Variants in NUDCD3 observed in about 807,000 individuals in gnomAD.
The protein encoded by NUDCD3 is nudC domain-containing protein 3.
NUDCD3 carries 13 observed loss-of-function variants against 39.7 expected under a neutral mutation model. The ratio of observed to expected loss-of-function variants is 0.33; its 90% CI spans 0.21 to 0.52. The LOEUF is 0.52. Ranked by LOEUF, NUDCD3 falls within the 20% of genes least tolerant of loss-of-function variation. The pLI is 0.96. For synonymous variants in NUDCD3, 175 were observed against 172.4 expected, an observed-to-expected ratio of 1.02 and a Z score of -0.12; for missense variants, 453 against 458.1, an observed-to-expected ratio of 0.99 and a Z score of 0.10.
chr7:44,470,896 C>T (rs1800241826), intron 2 of NUDCD3, among the ~76,000 whole-genome samples: 1 of 152,198 alleles, frequency 6.6e-6, no homozygotes, highest in South Asian at 2.1e-4. Flanking sequence ...AGAGAACATA[C>T]ACAAATGTGA....
At chr7:44,398,826 C>G (rs1356126671) in intron 4 of NUDCD3, among the ~76,000 whole-genome samples, 3 of 152,160 alleles carry the variant, frequency 2.0e-5, no homozygotes, top group Non-Finnish European at 2.9e-5. Flanking sequence ...CGGGGTGAGA[C>G]GACAGCGTGG....
At chr7:44,478,195 C>T (rs1006401097) in intron 2 of NUDCD3, among the ~76,000 whole-genome samples, 1 of 152,206 alleles carries the variant, frequency 6.6e-6, no homozygotes, top group Non-Finnish European at 1.5e-5. Flanking sequence ...CTGATGCTAT[C>T]TTGTGCAAAT....
rs1158360595 is a variant in NUDCD3 at position 44,488,421 on chromosome 7, TC to T, written c.192+1987del. ...AACCACTTCCAGAAAACATGACACC[TC>T]TCTTAAGCATCTGCTGGAGACTGTT... On this transcript the variant is annotated intron_variant, in intron 1 of 5. Transcript: ENST00000355451. Among the ~76,000 whole-genome samples, 3 of 150,956 alleles carry T rather than the reference TC, an allele frequency of 2.0e-5. No individual in the cohort carries two copies. In the East Asian group the frequency reaches 5.8e-4, roughly 29 times the overall value.
At chr7:44,433,407 C>T (rs903191171) in intron 2 of NUDCD3, among the ~76,000 whole-genome samples, 2 of 151,872 alleles carry the variant, frequency 1.3e-5, no homozygotes, top group African/African-American at 2.4e-5. Flanking sequence ...TGCATGTGTA[C>T]CTGCATGTGC....
intron 1 of NUDCD3, 183 bp downstream of exon 1, chr7:44,490,226 A>G: frequency 1.7e-6 from 1 of 603,636 alleles, no homozygotes; most frequent in African/African-American, 1.9e-5. Context: ...CGGAGCGAAC[A>G]CCTCAGCGGA....
At chr7:44,454,119 C>T (rs1227544692) in intron 2 of NUDCD3, among the ~76,000 whole-genome samples, 1 of 152,142 alleles carries the variant, frequency 6.6e-6, no homozygotes, top group Non-Finnish European at 1.5e-5. Context: ...GCAGGCAGAT[C>T]ACGAGGTCAG....
At position 44,380,715 on chromosome 7, in the gene NUDCD3, G is replaced by A. The variant is rs1036119625; in HGVS notation, c.*5296C>T. ...AGTCCCACTAGGGACCACCACTGGG[G>A]TCACAAGATGGCCTTGATCCCCAGT... On this transcript the variant is annotated 3_prime_UTR_variant, in exon 6 of 6. Coordinates refer to ENST00000355451, the MANE Select transcript of NUDCD3 (RefSeq NM_015332.4). The A allele has an allele frequency of 1.3e-5, 2 of 152,264 alleles. No individual in the cohort carries two copies. The highest frequency in any genetic ancestry group is 6.5e-5 in the Admixed American group (1 of 15,284). 9.4% of individuals were successfully genotyped at this position (152,264 alleles called of 1,614,324 possible).
intron 2 of NUDCD3, among the ~76,000 whole-genome samples, chr7:44,477,634 C>T (rs987722076): frequency 7.9e-5 from 12 of 152,088 alleles, no homozygotes; most frequent in Non-Finnish European, 1.5e-5. Context: ...AGAGGCAAAC[C>T]CTAACAGGCA....
chr7:44,458,137 A>C (rs1016800921), intron 2 of NUDCD3, among the ~76,000 whole-genome samples: 5 of 152,264 alleles, frequency 3.3e-5, no homozygotes, highest in Non-Finnish European at 7.3e-5. Flanking sequence ...TGTCAGTAAA[A>C]GGAATGAAGT....
intron 3 of NUDCD3, among the ~76,000 whole-genome samples, chr7:44,411,509 A>G (rs539010952): frequency 6.6e-6 from 1 of 152,380 alleles, no homozygotes; most frequent in South Asian, 2.1e-4. Context: ...ACAAGTGGAA[A>G]ATAAGGACAT....
intron 2 of NUDCD3, among the ~76,000 whole-genome samples, chr7:44,482,693 A>G (rs575671912): frequency 1.3e-5 from 2 of 152,354 alleles, no homozygotes; most frequent in South Asian, 2.1e-4. Context: ...ACAGCATAAC[A>G]TCCATTAATG....
chr7:44,383,586 A>C lies in NUDCD3; in HGVS notation c.*2425T>G, dbSNP rs1798345925. On this transcript the variant is annotated 3_prime_UTR_variant, in exon 6 of 6. Transcript: ENST00000355451. ...AGCAGCAAATGTCACACGCAGACCCAGAACTGCTTAAATACCAATTTATTG... is the reference window on the plus strand; with the variant it reads ...AGCAGCAAATGTCACACGCAGACCCCGAACTGCTTAAATACCAATTTATTG... 6.6e-6 allele frequency: 1 copy of C among 152,274 alleles called. No homozygotes were observed. Among genetic ancestry groups the C allele is most frequent in the Non-Finnish European group, 1.5e-5 (1 of 68,068 alleles). 9.4% of individuals were successfully genotyped at this position (152,274 alleles called of 1,614,324 possible). A position where few individuals can be genotyped will look rare whatever the true frequency, so the allele number is the denominator to read the frequency against.
At chr7:44,431,786 C>T (rs1485161109) in intron 2 of NUDCD3, among the ~76,000 whole-genome samples, 1 of 151,052 alleles carries the variant, frequency 6.6e-6, no homozygotes, top group Non-Finnish European at 1.5e-5. Flanking sequence ...GATTCTCCTG[C>T]CTCAATCTCC....
intron 3 of NUDCD3, among the ~76,000 whole-genome samples, chr7:44,413,487 A>G (rs1014030775): frequency 1.3e-5 from 2 of 152,220 alleles, no homozygotes; most frequent in African/African-American, 4.8e-5. Flanking sequence ...AGTAAGAAAA[A>G]GTACAGCAAC....
intron 2 of NUDCD3, among the ~76,000 whole-genome samples, chr7:44,476,255 C>A (rs1418427882): frequency 2.6e-5 from 4 of 152,224 alleles, no homozygotes; most frequent in African/African-American, 7.2e-5. Context: ...CTCCTGACAG[C>A]CCACCCGAGG....
At chr7:44,389,859 C>G (rs952963726) in intron 5 of NUDCD3, among the ~76,000 whole-genome samples, 3 of 152,040 alleles carry the variant, frequency 2.0e-5, no homozygotes, top group African/African-American at 7.2e-5. Flanking sequence ...AGGGGAGGGG[C>G]AAGGATGTAG....
intron 2 of NUDCD3, among the ~76,000 whole-genome samples, chr7:44,464,342 T>C (rs1800078037): frequency 6.6e-6 from 1 of 152,104 alleles, no homozygotes; most frequent in African/African-American, 2.4e-5. Context: ...GTCCCATTAA[T>C]TTGAGTTAAA....
At chr7:44,460,460 T>C (rs1799984170) in intron 2 of NUDCD3, among the ~76,000 whole-genome samples, 1 of 152,160 alleles carries the variant, frequency 6.6e-6, no homozygotes, top group Admixed American at 6.5e-5. Context: ...TCTACTGCAT[T>C]AGCAGGAAGT....
chr7:44,440,954 C>A lies in NUDCD3; in HGVS notation c.510-13251G>T, dbSNP rs145891955. Reference sequence around the variant, plus strand: ...GTCCTAAGCAAAAAGGTTTAGCACCCATTTTCAACTCAAGATGACAGTATT... The same window carrying A: ...GTCCTAAGCAAAAAGGTTTAGCACCAATTTTCAACTCAAGATGACAGTATT... On this transcript the variant is annotated intron_variant, in intron 2 of 5. Transcript: ENST00000355451. Among the ~76,000 whole-genome samples, 344 of 152,304 alleles carry A rather than the reference C, an allele frequency of 2.3e-3. 1 individual carries two copies. The Middle Eastern group carries it at 0.024, about 11-fold the overall frequency.
Sources: allele counts gnomAD v4.1 joint callset (sites outside exome capture counted in the v4.1 genomes callset), GRCh38; gene constraint gnomAD v4.1.1; transcripts MANE v1.5; gene names NCBI Gene and HGNC (gene_info 2026-07-23, HGNC 2026-07-21).